The following ERBB4 variants were observed in gnomAD, a reference collection of about 807,000 sequenced individuals.
The protein encoded by ERBB4 is erb-b2 receptor tyrosine kinase 4, also known as receptor tyrosine-protein kinase erbB-4.
ERBB4 carries 42 observed loss-of-function variants against 158.0 expected under a neutral mutation model. That is an observed-to-expected ratio of 0.27 (90% CI 0.21 to 0.34). The LOEUF (loss-of-function observed/expected upper bound fraction) is 0.34, where lower values mean the gene tolerates loss of function less well. ERBB4 is among the 10% of genes least tolerant of loss of function. The probability of loss-of-function intolerance (pLI) is 1.00; values close to 1 mark genes in which losing one functional copy is unlikely to be tolerated. For missense variants in ERBB4, 1,333 were observed against 1,624.1 expected (o/e 0.82, Z 3.08); for synonymous variants, 583 against 558.7 (o/e 1.04, Z -0.61).
At chr2:212,296,014 T>C (rs953231946) in intron 1 of ERBB4, among the ~76,000 whole-genome samples, 1 of 152,048 alleles carries the variant, frequency 6.6e-6, no homozygotes, top group Non-Finnish European at 1.5e-5. Context: ...TTATCTCAAT[T>C]AGATGATCCC....
chr2:212,291,257 A>G (rs1347156143), intron 1 of ERBB4, among the ~76,000 whole-genome samples: 3 of 152,166 alleles, frequency 2.0e-5, no homozygotes, highest in Non-Finnish European at 2.9e-5. Flanking sequence ...AAGTGTTCCT[A>G]TAGCCCATGG....
chr2:211,664,809 A>G (rs2071565330), intron 15 of ERBB4, among the ~76,000 whole-genome samples: 1 of 152,224 alleles, frequency 6.6e-6, no homozygotes, highest in South Asian at 2.1e-4. Flanking sequence ...CATTTTTTAA[A>G]TATACATATC....
chr2:211,503,601 G>A (rs2065670734), intron 20 of ERBB4, among the ~76,000 whole-genome samples: 3 of 152,100 alleles, frequency 2.0e-5, no homozygotes, highest in South Asian at 4.1e-4. Flanking sequence ...CAAAACATCT[G>A]GACCCGCATA....
intron 2 of ERBB4, among the ~76,000 whole-genome samples, chr2:212,097,446 G>A (rs1238342590): frequency 1.3e-5 from 2 of 152,198 alleles, no homozygotes; most frequent in South Asian, 4.1e-4. Flanking sequence ...TAGCTAAATG[G>A]TGGCAGATAG....
At chr2:212,320,508 A>G (rs12616079) in intron 1 of ERBB4, among the ~76,000 whole-genome samples, 44,022 of 96,936 alleles carry the variant, frequency 0.45, 9,611 homozygotes, top group East Asian at 0.71. Context: ...ATGTATTTAC[A>G]TGACAGAAAA....
chr2:211,902,684 G>A (rs753411114), intron 3 of ERBB4, among the ~76,000 whole-genome samples: 1 of 151,500 alleles, frequency 6.6e-6, no homozygotes, highest in Non-Finnish European at 1.5e-5. Flanking sequence ...TCTCAAAATT[G>A]AGTAATTTTC....
chr2:211,397,686 C>A (rs1272660827), intron 25 of ERBB4, among the ~76,000 whole-genome samples: 1 of 152,094 alleles, frequency 6.6e-6, no homozygotes, highest in African/African-American at 2.4e-5. Context: ...CAGTTTCAGG[C>A]CCGTGATTCT....
At chr2:211,857,862 ATG>A in intron 3 of ERBB4, among the ~76,000 whole-genome samples, 1 of 152,364 alleles carries the variant, frequency 6.6e-6, no homozygotes, top group East Asian at 1.9e-4. Context: ...TGGGAAATGC[ATG>A]TATTTATTAT....
At chr2:211,513,357 C>CAAAAAAAAAAA (rs61042785) in intron 20 of ERBB4, among the ~76,000 whole-genome samples, 4 of 39,134 alleles carry the variant, frequency 1.0e-4, no homozygotes, top group African/African-American at 1.3e-4. Flanking sequence ...GACTCCGTCT[C>CAAAAAAAAAAA]AAAAAAAAAA....
At chr2:211,989,025 T>C (rs2082005726) in intron 2 of ERBB4, among the ~76,000 whole-genome samples, 1 of 152,050 alleles carries the variant, frequency 6.6e-6, no homozygotes, top group Admixed American at 6.6e-5. Flanking sequence ...CAAGGTTCTT[T>C]TTTGTTCTAT....
chr2:212,395,194 T>C (rs1377022249), intron 1 of ERBB4, among the ~76,000 whole-genome samples: 5 of 152,104 alleles, frequency 3.3e-5, no homozygotes, highest in Non-Finnish European at 5.9e-5. Flanking sequence ...AATTGATATG[T>C]TATCTACTAA....
At chr2:211,576,174 A>G (rs1424838510) in intron 19 of ERBB4, among the ~76,000 whole-genome samples, 1 of 152,184 alleles carries the variant, frequency 6.6e-6, no homozygotes, top group Non-Finnish European at 1.5e-5. Flanking sequence ...AAACCCTGAA[A>G]GAAAATATAT....
intron 2 of ERBB4, among the ~76,000 whole-genome samples, chr2:211,966,515 CA>C (rs899677655): frequency 6.6e-6 from 1 of 152,154 alleles, no homozygotes; most frequent in Non-Finnish European, 1.5e-5. Flanking sequence ...GCTGGGATTA[CA>C]AGCGTGAGCC....
At chr2:212,482,805 A>C (rs772401161) in intron 1 of ERBB4, among the ~76,000 whole-genome samples, 43 of 152,056 alleles carry the variant, frequency 2.8e-4, no homozygotes, top group Non-Finnish European at 5.3e-4. Context: ...TTGTATTTTA[A>C]TAGAAATAGG....
intron 1 of ERBB4, among the ~76,000 whole-genome samples, chr2:212,507,739 G>A (rs1187718991): frequency 6.6e-6 from 1 of 152,122 alleles, no homozygotes; most frequent in Non-Finnish European, 1.5e-5. Context: ...GATGAACAAA[G>A]AAAGTTGTTT....
At chr2:211,588,375 T>C (rs78264083) in intron 19 of ERBB4, among the ~76,000 whole-genome samples, 8,981 of 152,000 alleles carry the variant, frequency 0.059, 897 homozygotes, top group African/African-American at 0.21. Flanking sequence ...CAAAAAGTAA[T>C]ACGAGCAAAC....
chr2:211,966,240 T>TATA (rs1430276928), intron 2 of ERBB4, among the ~76,000 whole-genome samples: 3 of 151,974 alleles, frequency 2.0e-5, no homozygotes, highest in Non-Finnish European at 2.9e-5. Flanking sequence ...ATTTCAATAT[T>TATA]ATTATTATTA....
At chr2:212,415,232 C>T (rs1198824831) in intron 1 of ERBB4, among the ~76,000 whole-genome samples, 2 of 152,058 alleles carry the variant, frequency 1.3e-5, no homozygotes, top group African/African-American at 4.8e-5. Flanking sequence ...TAAAAAAGGC[C>T]TGTTTAACCA....
chr2:212,464,874 T>C (rs763452852), intron 1 of ERBB4, among the ~76,000 whole-genome samples: 6 of 147,888 alleles, frequency 4.1e-5, no homozygotes, highest in Non-Finnish European at 8.9e-5. Context: ...TTTTGCAATC[T>C]ATTTAGAAAG....
Sources: allele counts gnomAD v4.1 joint callset (sites outside exome capture counted in the v4.1 genomes callset), GRCh38; gene constraint gnomAD v4.1.1; transcripts MANE v1.5; gene names NCBI Gene and HGNC (gene_info 2026-07-23, HGNC 2026-07-21).